The following WDPCP variants were observed in gnomAD, a reference collection of about 807,000 sequenced individuals.
WDPCP encodes WD repeat-containing and planar cell polarity effector protein fritz homolog.
WDPCP carries 71 observed loss-of-function variants against 93.1 expected under a neutral mutation model. The observed-to-expected ratio is 0.76, with a 90% CI of 0.63 to 0.93. The LOEUF (loss-of-function observed/expected upper bound fraction) is 0.93, where lower values mean the gene tolerates loss of function less well. Among genes scored for constraint, WDPCP ranks in the 40% least tolerant of loss-of-function variants. WDPCP has a pLI of 0.00. For missense variants in WDPCP, 844 were observed against 887.4 expected (o/e 0.95, Z 0.62); for synonymous variants, 315 against 315.0 (o/e 1.00, Z 0.00).
Position 63,317,307 on chromosome 2 carries a change from C to T in WDPCP, c.1749-3996G>A, listed in dbSNP as rs1430038128. ...CCTGTAATCCCAGCTACTTGGGAAG[C>T]TGAGGCAGAAGAATAGCTTGAATCT... is the stretch of plus-strand genomic sequence containing the variant. On this transcript the variant is annotated intron_variant, in intron 12 of 17. Transcript: ENST00000272321. Among the ~76,000 whole-genome samples the T allele has an allele frequency of 5.9e-5, 9 of 151,422 alleles. No homozygotes were observed. The East Asian group carries it at 1.7e-3, about 29-fold the overall frequency.
At chr2:63,667,696 G>C (rs1710299462) in intron 2 of WDPCP, among the ~76,000 whole-genome samples, 1 of 152,142 alleles carries the variant, frequency 6.6e-6, no homozygotes, top group Non-Finnish European at 1.5e-5. Flanking sequence ...AGAATGCAGA[G>C]GAACAGGGAA....
intron 2 of WDPCP, among the ~76,000 whole-genome samples, chr2:63,780,071 C>A (rs1215011381): frequency 2.0e-5 from 3 of 152,146 alleles, no homozygotes; most frequent in Non-Finnish European, 4.4e-5. Context: ...CCCCTGCCTA[C>A]CTATAACCCC....
At chr2:63,360,685 T>C (rs1042602328) in intron 12 of WDPCP, among the ~76,000 whole-genome samples, 2 of 152,244 alleles carry the variant, frequency 1.3e-5, no homozygotes, top group African/African-American at 2.4e-5. Context: ...TAAAAACAGA[T>C]GTTAATTTAA....
chr2:63,190,635 T>A (rs1248442643), intron 14 of WDPCP, among the ~76,000 whole-genome samples: 1 of 152,174 alleles, frequency 6.6e-6, no homozygotes, highest in Admixed American at 6.5e-5. Context: ...TTATATTAAC[T>A]ATTTTAAATC....
intron 2 of WDPCP, among the ~76,000 whole-genome samples, chr2:63,736,477 C>A (rs1352041907): frequency 6.6e-6 from 1 of 152,200 alleles, no homozygotes; most frequent in Admixed American, 6.5e-5. Context: ...TTACAGAGAA[C>A]TTGTGGTCTC....
intron 13 of WDPCP, among the ~76,000 whole-genome samples, chr2:63,291,013 T>A (rs1402451648): frequency 6.6e-6 from 1 of 152,210 alleles, no homozygotes; most frequent in Non-Finnish European, 1.5e-5. Context: ...TTTAGACTAT[T>A]TGATTTTGTT....
intron 1 of WDPCP, among the ~76,000 whole-genome samples, chr2:63,580,661 A>G (rs1708435739): frequency 6.6e-6 from 1 of 152,244 alleles, no homozygotes. Flanking sequence ...GTTCCAGATT[A>G]CAGGAGATTA....
intron 2 of WDPCP, among the ~76,000 whole-genome samples, chr2:63,743,453 C>T (rs908999957): frequency 1.3e-5 from 2 of 152,094 alleles, no homozygotes; most frequent in Non-Finnish European, 2.9e-5. Context: ...ATTATCTAAA[C>T]TTTAGATTCC....
chr2:63,689,442 T>C (rs2103663646), intron 2 of WDPCP, among the ~76,000 whole-genome samples: 1 of 152,264 alleles, frequency 6.6e-6, no homozygotes, highest in Non-Finnish European at 1.5e-5. Flanking sequence ...CTGAGATTTG[T>C]AGGAGGGTGA....
chr2:63,722,910 A>G (rs900942438), intron 2 of WDPCP, among the ~76,000 whole-genome samples: 3 of 151,974 alleles, frequency 2.0e-5, no homozygotes, highest in Non-Finnish European at 4.4e-5. Context: ...AGAAGTAGAC[A>G]TGGGAGACTT....
At chr2:63,240,338 G>A (rs765688937) in intron 14 of WDPCP, among the ~76,000 whole-genome samples, 12 of 151,816 alleles carry the variant, frequency 7.9e-5, no homozygotes, top group Non-Finnish European at 1.8e-4. Flanking sequence ...CCACCACCCC[G>A]AGCTAGCTTT....
intron 6 of WDPCP, among the ~76,000 whole-genome samples, chr2:63,444,429 T>G (rs1288546049): frequency 6.6e-6 from 1 of 152,138 alleles, no homozygotes; most frequent in Non-Finnish European, 1.5e-5. Context: ...TAGAAAAATA[T>G]AGTCAAGGAA....
chr2:63,247,514 C>T (rs559053697), intron 14 of WDPCP, among the ~76,000 whole-genome samples: 4 of 152,230 alleles, frequency 2.6e-5, no homozygotes, highest in African/African-American at 9.6e-5. Flanking sequence ...GACACCTTTA[C>T]ATTCCATTGG....
intron 3 of WDPCP, chr2:63,594,650 A>T: frequency 5.2e-6 from 6 of 1,155,770 alleles, no homozygotes; most frequent in Non-Finnish European, 7.7e-6. Context: ...AAAAATCTGT[A>T]TTTAGTTGTA....
intron 3 of WDPCP, chr2:63,604,934 G>A (rs1205822512): frequency 1.3e-6 from 2 of 1,547,190 alleles, no homozygotes; most frequent in African/African-American, 2.7e-5. Context: ...AGACTCTTAG[G>A]ACAGAAAACC....
chr2:63,217,019 G>A (rs1474232760), intron 14 of WDPCP, among the ~76,000 whole-genome samples: 1 of 152,130 alleles, frequency 6.6e-6, no homozygotes, highest in East Asian at 1.9e-4. Context: ...ATACCTCAGT[G>A]ATACGTTTTT....
At chr2:63,404,711 T>G in intron 9 of WDPCP, 54 bp from the exon 10 acceptor site, 1 of 1,603,714 alleles carries the variant, frequency 6.2e-7, no homozygotes, top group Non-Finnish European at 8.5e-7. Context: ...TTCTTCAACT[T>G]CACACCTAGG....
intron 1 of WDPCP, among the ~76,000 whole-genome samples, chr2:63,511,103 G>A (rs1435861762): frequency 6.6e-6 from 1 of 152,094 alleles, no homozygotes; most frequent in East Asian, 1.9e-4. Flanking sequence ...CTATGCAACA[G>A]TAATAGACAA....
intron 12 of WDPCP, among the ~76,000 whole-genome samples, chr2:63,359,006 T>C (rs1189484718): frequency 6.6e-6 from 1 of 152,150 alleles, no homozygotes; most frequent in Non-Finnish European, 1.5e-5. Flanking sequence ...CCCTTACTTA[T>C]CCGCTTTCTT....
Sources: allele counts gnomAD v4.1 joint callset (sites outside exome capture counted in the v4.1 genomes callset), GRCh38; gene constraint gnomAD v4.1.1; transcripts MANE v1.5; gene names NCBI Gene and HGNC (gene_info 2026-07-23, HGNC 2026-07-21).